CFAP77: variants seen among roughly 807,000 people sequenced by gnomAD.
CFAP77 encodes the protein cilia- and flagella-associated protein 77.
In CFAP77, 25 loss-of-function variants were observed where a neutral mutation model predicts 31.1. That is an observed-to-expected ratio of 0.80 (90% CI 0.59 to 1.12). The LOEUF is 1.12. CFAP77 is among the 50% of genes most tolerant of loss of function. The probability of loss-of-function intolerance (pLI) is 0.00; values close to 1 mark genes in which losing one functional copy is unlikely to be tolerated. For synonymous variants in CFAP77, 151 were observed against 159.9 expected, an observed-to-expected ratio of 0.94 and a Z score of 0.42; for missense variants, 377 against 397.3, an observed-to-expected ratio of 0.95 and a Z score of 0.44.
intron 5 of CFAP77, among the ~76,000 whole-genome samples, chr9:132,546,772 A>T (rs1158105844): frequency 1.3e-5 from 2 of 152,186 alleles, no homozygotes; most frequent in African/African-American, 4.8e-5. Context: ...TGGGGCCCAG[A>T]AGGGGGTTCT....
intron 4 of CFAP77, 40 bp from the exon 5 acceptor site, chr9:132,542,906 C>T: frequency 6.6e-7 from 1 of 1,516,066 alleles, no homozygotes; most frequent in Non-Finnish European, 9.2e-7. Context: ...CTCCAAGTAG[C>T]CGGGCAACCA....
intron 5 of CFAP77, among the ~76,000 whole-genome samples, chr9:132,569,369 G>C (rs1829926027): frequency 6.6e-6 from 1 of 152,098 alleles, no homozygotes. Context: ...TTGTGCCACT[G>C]CACTCCAGCC....
In CFAP77 at chr9:132,480,987, A is replaced by G. The variant is rs778971133; in HGVS notation, c.196-17708A>G. ...CACCTTGGGTTGCTTATTTCTTCACAGCAGGCTGAGATCTGTTAGCTCGAA... is the reference window on the plus strand; with the variant it reads ...CACCTTGGGTTGCTTATTTCTTCACGGCAGGCTGAGATCTGTTAGCTCGAA... On this transcript the variant is annotated intron_variant, in intron 1 of 5. Transcript: ENST00000393216. The surrounding 1 kb of genome is among the most constrained non-coding windows in gnomAD (Gnocchi z 5.8). Among the ~76,000 whole-genome samples, 5 of 152,190 alleles carry G rather than the reference A, an allele frequency of 3.3e-5. No homozygotes were observed. Among genetic ancestry groups the G allele is most frequent in the Non-Finnish European group, 7.3e-5 (5 of 68,040 alleles).
chr9:132,541,370 C>G (rs1852638303), intron 4 of CFAP77, among the ~76,000 whole-genome samples: 2 of 152,230 alleles, frequency 1.3e-5, no homozygotes, highest in Non-Finnish European at 2.9e-5. Context: ...ATTCCGAAGC[C>G]TGGCTCCATA....
chr9:132,499,024 G>A lies in CFAP77; in HGVS notation c.295+230G>A, dbSNP rs990995998. On this transcript the variant is annotated intron_variant, in intron 2 of 5. Transcript: ENST00000393216. The surrounding 1 kb of genome is among the most constrained non-coding windows in gnomAD (Gnocchi z 5.4). Reference sequence around the variant, plus strand: ...TCAGGGAACTAGCATGGGTATCCCCGCACCGCCCCCCTTCCCCGCCGCCGG... The same window carrying A: ...TCAGGGAACTAGCATGGGTATCCCCACACCGCCCCCCTTCCCCGCCGCCGG... Among the ~76,000 whole-genome samples, 1 of 145,072 alleles carries A rather than the reference G, an allele frequency of 6.9e-6. No individual in the cohort carries two copies. Among genetic ancestry groups the A allele is most frequent in the Non-Finnish European group, 1.5e-5 (1 of 65,732 alleles).
chr9:132,536,416 C>G (rs1486410761), intron 3 of CFAP77, among the ~76,000 whole-genome samples: 1 of 116,352 alleles, frequency 8.6e-6, no homozygotes, highest in African/African-American at 3.0e-5. Flanking sequence ...TTTTTGGAGA[C>G]AGAGTCTTGC....
rs191556207 is a variant in CFAP77 at position 132,417,691 on chromosome 9, C to A, written c.195+7225C>A. On this transcript the variant is annotated intron_variant, in intron 1 of 5. Transcript: ENST00000393216. ...GGAGAGTTTTGAGGGTTCAGTGAGA[C>A]AGTGCAGGCAGGGTCTGGCCCAGGA... 1.2e-3 allele frequency among the ~76,000 whole-genome samples: 176 copies of A among 152,332 alleles called. 1 individual carries two copies. Among genetic ancestry groups the A allele is most frequent in the Non-Finnish European group, 2.0e-3 (139 of 68,034 alleles).
chr9:132,412,888 T>C (rs960175426), intron 1 of CFAP77, among the ~76,000 whole-genome samples: 9 of 152,330 alleles, frequency 5.9e-5, no homozygotes, highest in Middle Eastern at 3.4e-3. Flanking sequence ...GATTTCTTCA[T>C]TGTGGCATGT....
chr9:132,423,584 G>A (rs1019871593), intron 1 of CFAP77, among the ~76,000 whole-genome samples: 9 of 152,350 alleles, frequency 5.9e-5, no homozygotes, highest in African/African-American at 2.2e-4. Context: ...CATGCCTGGA[G>A]GAGCCAGGCT....
intron 1 of CFAP77, among the ~76,000 whole-genome samples, chr9:132,461,864 G>C (rs1851057201): frequency 6.6e-6 from 1 of 152,208 alleles, no homozygotes; most frequent in South Asian, 2.1e-4. Flanking sequence ...CCCCGTTTCT[G>C]CTCTAGAGCC....
chr9:132,426,656 G>C (rs1296910064), intron 1 of CFAP77, among the ~76,000 whole-genome samples: 1 of 152,148 alleles, frequency 6.6e-6, no homozygotes, highest in Non-Finnish European at 1.5e-5. Context: ...CGGAACCTGA[G>C]GCAACCTTGT....
rs901184792 is a variant in CFAP77 at position 132,517,768 on chromosome 9, C to T, written c.524+18168C>T. Among the ~76,000 whole-genome samples the T allele has an allele frequency of 2.0e-5, 3 of 152,360 alleles. No individual in the cohort carries two copies. The highest frequency in any genetic ancestry group is 1.9e-4 in the East Asian group (1 of 5,186). On this transcript the variant is annotated intron_variant, in intron 3 of 5. Transcript: ENST00000393216. This position sits in a 1 kb window ranked among gnomAD's most constrained non-coding sequence, Gnocchi z 4.7. ...GCTGTCAGCCCTCATCCCCCGCACA[C>T]ACAAAGTGTCAGCCTAATGTTTGCA...
At chr9:132,547,240 A>G (rs1040654314) in intron 5 of CFAP77, among the ~76,000 whole-genome samples, 1 of 152,168 alleles carries the variant, frequency 6.6e-6, no homozygotes, top group African/African-American at 2.4e-5. Context: ...GGACAGCCAG[A>G]CGGGGTCAAG....
At position 132,517,852 on chromosome 9, in the gene CFAP77, G is replaced by A. The variant is rs1321507664; in HGVS notation, c.524+18252G>A. Among the ~76,000 whole-genome samples the A allele has an allele frequency of 6.6e-6, 1 of 152,202 alleles. No individual in the cohort carries two copies. Among genetic ancestry groups the A allele is most frequent in the Non-Finnish European group, 1.5e-5 (1 of 68,040 alleles). The stretch of plus-strand genomic sequence containing the variant: ...GTGCCTGCATCGGAGATCAACCCCT[G>A]GTCTGGGGTATCAATCGCGGAGCAG... On this transcript the variant is annotated intron_variant, in intron 3 of 5. Transcript: ENST00000393216. The surrounding 1 kb of genome is among the most constrained non-coding windows in gnomAD (Gnocchi z 4.7).
rs1453357096 is a variant in CFAP77 at position 132,572,358 on chromosome 9, C to T, written c.733-30C>T. On this transcript the variant is annotated intron_variant, in intron 5 of 5. Coordinates refer to ENST00000393216, the MANE Select transcript of CFAP77 (RefSeq NM_001282957.2). ...AATGAGCTACACTGAAGTCTCCCCT[C>T]ACCCACCCACTCTTCCCTTCTATCC... The T allele has an allele frequency of 1.9e-6, 3 of 1,606,904 alleles. No homozygotes were observed. In the African/African-American group the frequency reaches 4.0e-5, roughly 22 times the overall value.
intron 4 of CFAP77, among the ~76,000 whole-genome samples, chr9:132,541,975 A>G (rs1268493579): frequency 6.6e-6 from 1 of 152,144 alleles, no homozygotes; most frequent in Non-Finnish European, 1.5e-5. Flanking sequence ...GGTGAACCCC[A>G]GGGCAGATCC....
intron 5 of CFAP77, among the ~76,000 whole-genome samples, chr9:132,566,973 A>G (rs1829892417): frequency 6.6e-6 from 1 of 152,136 alleles, no homozygotes; most frequent in African/African-American, 2.4e-5. Context: ...CCTTCTTTAA[A>G]CACTTCTCAA....
intron 1 of CFAP77, among the ~76,000 whole-genome samples, chr9:132,418,340 A>G (rs1039090260): frequency 3.3e-5 from 5 of 152,214 alleles, no homozygotes; most frequent in African/African-American, 9.7e-5. Flanking sequence ...CCCAACCCCA[A>G]AACAAGGAAT....
chr9:132,525,439 CAGAAAGTTTTAAAG>C (rs1486445106), intron 3 of CFAP77, among the ~76,000 whole-genome samples: 2 of 152,158 alleles, frequency 1.3e-5, no homozygotes, highest in Non-Finnish European at 2.9e-5. Flanking sequence ...TATAAATTCA[CAGAAAGTTTTAAAG>C]AGAAAGTTTG....
Sources: allele counts gnomAD v4.1 joint callset (sites outside exome capture counted in the v4.1 genomes callset), GRCh38; gene constraint gnomAD v4.1.1; non-coding constraint Gnocchi (gnomAD v3.1); transcripts MANE v1.5; gene names NCBI Gene and HGNC (gene_info 2026-07-23, HGNC 2026-07-21).